Variants in BLCAP observed in about 807,000 individuals in gnomAD.
BLCAP encodes the protein BLCAP apoptosis inducing factor, also known as apoptosis inducing factor BLCAP.
BLCAP carries 1 observed loss-of-function variant against 5.7 expected under a neutral mutation model. The ratio of observed to expected loss-of-function variants is 0.18; its 90% CI spans 0.06 to 0.83. The LOEUF (loss-of-function observed/expected upper bound fraction) is 0.83. BLCAP is among the 40% of genes least tolerant of loss of function. BLCAP has a pLI of 0.71. For synonymous variants in BLCAP, 48 were observed against 49.4 expected (o/e 0.97, Z 0.11); for missense variants, 66 against 107.6 (o/e 0.61, Z 1.71).
rs77587605 is a variant in BLCAP at position 37,525,992 on chromosome 20, GAAGTT to G, written c.-177+1796_-177+1800del. Among the ~76,000 whole-genome samples, 11 of 152,220 alleles carry G rather than the reference GAAGTT, an allele frequency of 7.2e-5. No homozygotes were observed. In the East Asian group the frequency reaches 2.1e-3, roughly 29 times the overall value. The stretch of plus-strand genomic sequence containing the variant: ...TGTTAGTTTCTTAGCCTAACGAACT[GAAGTT>G]AAGTCCAGAGGTGTTTAGGTACCAT... On this transcript the variant is annotated intron_variant, in intron 1 of 1. Coordinates refer to ENST00000373537, the MANE Select transcript of BLCAP (RefSeq NM_006698.4).
At chr20:37,526,995 A>C (rs2147197448) in intron 1 of BLCAP, 1 of 152,286 alleles carries the variant, frequency 6.6e-6, no homozygotes. Context: ...AAACCTATAA[A>C]CAGAAAGGCT....
At position 37,521,306 on chromosome 20, in the gene BLCAP, A is replaced by AC; in HGVS notation, c.-176-1957dup. ...GGATCTCGGCAAACCCTCTTTCTCG[A>AC]CCACCCACCTACCATTCTTGGAACC... On this transcript the variant is annotated intron_variant, in intron 1 of 1. Transcript: ENST00000373537. The surrounding 1 kb of genome is among the most constrained non-coding windows in gnomAD (Gnocchi z 4.5). The AC allele has an allele frequency of 6.2e-7, 1 of 1,612,670 alleles. No homozygotes were observed. The highest frequency in any genetic ancestry group is 8.5e-7 in the Non-Finnish European group (1 of 1,178,864).
rs745626058 is a variant in BLCAP at position 37,522,715 on chromosome 20, G to C, written c.-176-3365C>G. 2.5e-6 allele frequency: 4 copies of C among 1,611,776 alleles called. No individual in the cohort carries two copies. The Admixed American group carries it at 6.7e-5, about 27-fold the overall frequency. ...GCTGGCATACACGGTGTCGCGGACCGGGCGGCAGGTGTTGGGGGAGCGCAG... is the reference window on the plus strand; with the variant it reads ...GCTGGCATACACGGTGTCGCGGACCCGGCGGCAGGTGTTGGGGGAGCGCAG... On this transcript the variant is annotated intron_variant, in intron 1 of 1. Transcript: ENST00000373537.
At chr20:37,519,879 C>T (rs950672949) in intron 1 of BLCAP, among the ~76,000 whole-genome samples, 26 of 152,252 alleles carry the variant, frequency 1.7e-4, no homozygotes, top group Non-Finnish European at 3.5e-4. Context: ...CTGCCGGCCA[C>T]CAGACCACAG....
chr20:37,521,272 G>C lies in BLCAP; in HGVS notation c.-176-1922C>G, dbSNP rs2071558218. On this transcript the variant is annotated intron_variant, in intron 1 of 1. Coordinates refer to ENST00000373537, the MANE Select transcript of BLCAP (RefSeq NM_006698.4). The surrounding 1 kb of genome is among the most constrained non-coding windows in gnomAD (Gnocchi z 4.5). ...GGCAGTGCGCCCAACAGCGGACTCC[G>C]AGACCAGCGGATCTCGGCAAACCCT... 8 of 1,575,478 alleles carry C rather than the reference G, an allele frequency of 5.1e-6. No individual in the cohort carries two copies. Among genetic ancestry groups the C allele is most frequent in the Non-Finnish European group, 7.0e-6 (8 of 1,145,600 alleles).
chr20:37,521,467 C>G lies in BLCAP; in HGVS notation c.-176-2117G>C. 1 of 1,510,528 alleles carries G rather than the reference C, an allele frequency of 6.6e-7. No homozygotes were observed. Among genetic ancestry groups the G allele is most frequent in the East Asian group, 2.3e-5 (1 of 44,382 alleles). The allele number at this position is 1,510,528 out of a possible 1,614,324, so 93.6% of individuals were successfully genotyped here. ...ACTCGCGCCCCTAGAACCCGCAAGA[C>G]TGCGTCGCGATTGCCGCTTCCCGGA... On this transcript the variant is annotated intron_variant, in intron 1 of 1. Transcript: ENST00000373537. This position sits in a 1 kb window ranked among gnomAD's most constrained non-coding sequence, Gnocchi z 4.5.
rs1277192421 is a variant in BLCAP at position 37,521,576 on chromosome 20, G to A, written c.-176-2226C>T. The A allele has an allele frequency of 9.0e-6, 6 of 666,790 alleles. No homozygotes were observed. Among genetic ancestry groups the A allele is most frequent in the South Asian group, 1.8e-5 (1 of 56,818 alleles). 41.3% of individuals were successfully genotyped at this position (666,790 alleles called of 1,614,324 possible). On this transcript the variant is annotated intron_variant, in intron 1 of 1. Coordinates refer to ENST00000373537, the MANE Select transcript of BLCAP (RefSeq NM_006698.4). This position sits in a 1 kb window ranked among gnomAD's most constrained non-coding sequence, Gnocchi z 4.5. ...GCGCCCCCTGCCCATTCCCTGCGCC[G>A]TCCTCCTCGCGCTGACCCTCCCTAG... is the stretch of plus-strand genomic sequence containing the variant.
At chr20:37,522,594 G>GGGGGGT in intron 1 of BLCAP, 1 of 1,445,334 alleles carries the variant, frequency 6.9e-7, no homozygotes, top group Non-Finnish European at 9.4e-7. Flanking sequence ...TGGGGCGGGG[G>GGGGGGT]TGGGCACGGC....
Position 37,521,287 on chromosome 20 carries a change from C to A in BLCAP, c.-176-1937G>T. ...AGCGGACTCCGAGACCAGCGGATCT[C>A]GGCAAACCCTCTTTCTCGACCACCC... On this transcript the variant is annotated intron_variant, in intron 1 of 1. Transcript: ENST00000373537. This position sits in a 1 kb window ranked among gnomAD's most constrained non-coding sequence, Gnocchi z 4.5. The A allele has an allele frequency of 6.2e-7, 1 of 1,603,358 alleles. No homozygotes were observed. The highest frequency in any genetic ancestry group is 1.1e-5 in the South Asian group (1 of 90,856).
chr20:37,521,904 G>GC lies in BLCAP; in HGVS notation c.-176-2555dup, dbSNP rs1348516560. 6.5e-5 allele frequency among the ~76,000 whole-genome samples: 9 copies of GC among 138,698 alleles called. No individual in the cohort carries two copies. In the East Asian group the frequency reaches 1.7e-3, roughly 27 times the overall value. The allele number at this position is 138,698 out of a possible 152,430, so 91.0% of individuals were successfully genotyped here. ...TCTCAGAAAAAATAAAAATTACTTC[G>GC]CAAAAAAAAAAAACCCTACAACGAA... On this transcript the variant is annotated intron_variant, in intron 1 of 1. Transcript: ENST00000373537. The surrounding 1 kb of genome is among the most constrained non-coding windows in gnomAD (Gnocchi z 4.5).
At chr20:37,519,403 A>AC (rs2071479194) in intron 1 of BLCAP, 53 bp from the exon 2 acceptor site, 1 of 136,244 alleles carries the variant, frequency 7.3e-6, no homozygotes, top group Non-Finnish European at 1.4e-5. Flanking sequence ...AGACAGACAG[A>AC]CAAAAAAAAA....
At chr20:37,522,383 G>T in intron 1 of BLCAP, 2 of 1,613,850 alleles carry the variant, frequency 1.2e-6, no homozygotes, top group South Asian at 2.2e-5. Context: ...TGCATTTACT[G>T]GGTAGGATTC....
At chr20:37,525,272 C>G (rs2071699354) in intron 1 of BLCAP, among the ~76,000 whole-genome samples, 2 of 152,244 alleles carry the variant, frequency 1.3e-5, no homozygotes. Context: ...CATAGCCCCA[C>G]TGCCCTTCTT....
chr20:37,522,223 G>A (rs1347467408), intron 1 of BLCAP: 1 of 423,388 alleles, frequency 2.4e-6, no homozygotes, highest in Non-Finnish European at 4.1e-6. Flanking sequence ...AGAGGCAAAA[G>A]CGCTTGGTGT....
At chr20:37,520,287 A>G (rs1433292332) in intron 1 of BLCAP, 1 of 152,204 alleles carries the variant, frequency 6.6e-6, no homozygotes, top group East Asian at 1.9e-4. Flanking sequence ...CGAGGGACCC[A>G]CAAGACTGGC....
rs760244161 is a variant in BLCAP at position 37,519,118 on chromosome 20, G to A, written c.57C>T (p.Pro19=). The change falls in exon 2 of 2, where the codon CCC becomes CCT. Residue 19 remains proline, a synonymous_variant. Coordinates refer to ENST00000373537, the MANE Select transcript of BLCAP (RefSeq NM_006698.4). ...ACATGGAGTGGCTGAACCACAGGGC[G>A]GGGTTGAGGGGCTTGGGGATGAGGA... ...PVLLIPKPLN[P]ALWFSHSMFM... The A allele has an allele frequency of 1.2e-6, 2 of 1,610,972 alleles. No individual in the cohort carries two copies. The highest frequency in any genetic ancestry group is 2.7e-5 in the African/African-American group (2 of 74,868).
chr20:37,523,619 A>C (rs2071666778), intron 1 of BLCAP: 1 of 152,590 alleles, frequency 6.6e-6, no homozygotes, highest in Non-Finnish European at 1.5e-5. Context: ...CCTCTACAAA[A>C]AATAAAAAAA....
At chr20:37,522,813 C>A in intron 1 of BLCAP, 1 of 1,479,060 alleles carries the variant, frequency 6.8e-7, no homozygotes, top group East Asian at 2.4e-5. Flanking sequence ...CTGTGCATCT[C>A]GGCCAGCACG....
intron 1 of BLCAP, chr20:37,523,292 G>C (rs1299872943): frequency 6.6e-6 from 1 of 152,670 alleles, no homozygotes; most frequent in African/African-American, 2.4e-5. Flanking sequence ...GCTGTCCCTT[G>C]CCCAGGGCAC....
Sources: allele counts gnomAD v4.1 joint callset (sites outside exome capture counted in the v4.1 genomes callset), GRCh38; gene constraint gnomAD v4.1.1; non-coding constraint Gnocchi (gnomAD v3.1); transcripts MANE v1.5; gene names NCBI Gene and HGNC (gene_info 2026-07-23, HGNC 2026-07-21).